Variants in CCDC149 observed in about 807,000 individuals in gnomAD.
The protein encoded by CCDC149 is coiled-coil domain-containing protein 149.
In CCDC149, 45 loss-of-function variants were observed where a neutral mutation model predicts 59.9. The observed-to-expected ratio is 0.75, with a 90% confidence interval of 0.59 to 0.96. The LOEUF (loss-of-function observed/expected upper bound fraction) is 0.96. CCDC149 is among the 40% of genes least tolerant of loss of function. CCDC149 has a pLI of 0.00. For missense variants in CCDC149, 584 were observed against 664.7 expected (o/e 0.88, Z 1.33); for synonymous variants, 245 against 260.6 (o/e 0.94, Z 0.58).
chr4:24,909,974 A>T (rs1379417430), intron 1 of CCDC149, among the ~76,000 whole-genome samples: 1 of 152,234 alleles, frequency 6.6e-6, no homozygotes, highest in African/African-American at 2.4e-5. Flanking sequence ...AAGCAGCATG[A>T]AAACGGACTA....
chr4:24,820,210 T>C (rs1457840506), intron 11 of CCDC149: 5 of 451,480 alleles, frequency 1.1e-5, no homozygotes, highest in East Asian at 3.8e-5. Context: ...TATTGAATTA[T>C]AGGCCATTTT....
chr4:24,887,897 A>G (rs1008690303), intron 1 of CCDC149, among the ~76,000 whole-genome samples: 1 of 151,744 alleles, frequency 6.6e-6, no homozygotes, highest in Non-Finnish European at 1.5e-5. Context: ...CTTCATCATC[A>G]GCTCTTCTAC....
intron 1 of CCDC149, among the ~76,000 whole-genome samples, chr4:24,957,430 C>T (rs1273072847): frequency 6.6e-6 from 1 of 152,200 alleles, no homozygotes; most frequent in African/African-American, 2.4e-5. Context: ...ACTCAGCCTA[C>T]TGATTTATTG....
chr4:24,873,593 G>C (rs1719194032), intron 3 of CCDC149, 88 bp downstream of exon 3: 1 of 886,954 alleles, frequency 1.1e-6, no homozygotes, highest in Admixed American at 2.0e-5. Context: ...GGAAATTAAA[G>C]GAAGTTCTCT....
At chr4:24,869,673 G>A (rs1461890409) in intron 3 of CCDC149, among the ~76,000 whole-genome samples, 1 of 152,082 alleles carries the variant, frequency 6.6e-6, no homozygotes, top group Non-Finnish European at 1.5e-5. Context: ...CACATTGATG[G>A]ATGCTCACCT....
At chr4:24,906,941 C>A (rs773036366) in intron 1 of CCDC149, among the ~76,000 whole-genome samples, 17 of 152,292 alleles carry the variant, frequency 1.1e-4, no homozygotes, top group Middle Eastern at 3.4e-3. Context: ...TAGACAAAAA[C>A]AGCCCACCCC....
intron 12 of CCDC149, among the ~76,000 whole-genome samples, chr4:24,813,168 TC>T (rs1399966483): frequency 6.6e-6 from 1 of 151,998 alleles, no homozygotes; most frequent in Non-Finnish European, 1.5e-5. Context: ...ACCCCCTCTT[TC>T]TCTGCCATTT....
chr4:24,944,646 C>T (rs182185768), intron 1 of CCDC149, among the ~76,000 whole-genome samples: 36 of 151,772 alleles, frequency 2.4e-4, no homozygotes, highest in African/African-American at 8.5e-4. Flanking sequence ...CTAATGCATG[C>T]AGAGCTAAAA....
intron 12 of CCDC149, among the ~76,000 whole-genome samples, chr4:24,814,666 C>A (rs906571890): frequency 6.6e-6 from 1 of 152,168 alleles, no homozygotes; most frequent in Non-Finnish European, 1.5e-5. Flanking sequence ...GCACTGCAGG[C>A]TTGAAGCACA....
At chr4:24,885,723 G>C (rs1234321137) in intron 1 of CCDC149, among the ~76,000 whole-genome samples, 1 of 152,194 alleles carries the variant, frequency 6.6e-6, no homozygotes, top group Non-Finnish European at 1.5e-5. Context: ...TTGCTCTTCA[G>C]TCAAGACAAA....
chr4:24,950,028 G>A (rs11729842), intron 1 of CCDC149, among the ~76,000 whole-genome samples: 85,039 of 152,110 alleles, frequency 0.56, 26,523 homozygotes, highest in Non-Finnish European at 0.7. Context: ...GCACATGGCT[G>A]AAACCATCTG....
Position 24,948,504 on chromosome 4 carries a change from T to G in CCDC149, c.-65+31565A>C, listed in dbSNP as rs1219408021. ...TGCTCCACAATGCTGAGGACTGCAT[T>G]ATTAAACTCCCTTGCCGGCCAGCTT... On this transcript the variant is annotated intron_variant, in intron 1 of 12. Coordinates refer to the CCDC149 transcript ENST00000389609. Among the ~76,000 whole-genome samples, 5 of 152,188 alleles carry G rather than the reference T, an allele frequency of 3.3e-5. No homozygotes were observed. The East Asian group carries it at 9.6e-4, about 29-fold the overall frequency.
intron 9 of CCDC149, chr4:24,829,997 C>T (rs1270236401): frequency 1.3e-5 from 2 of 152,900 alleles, no homozygotes; most frequent in African/African-American, 2.4e-5. Flanking sequence ...GAGGGTGAGA[C>T]AGGAGGTCCC....
At chr4:24,883,634 C>T (rs949279592) in intron 1 of CCDC149, among the ~76,000 whole-genome samples, 8 of 152,112 alleles carry the variant, frequency 5.3e-5, no homozygotes, top group Admixed American at 1.3e-4. Flanking sequence ...CTCTGCCCAC[C>T]GCCTGCTGCC....
chr4:24,886,537 G>A (rs907925381), intron 1 of CCDC149, among the ~76,000 whole-genome samples: 6 of 152,200 alleles, frequency 3.9e-5, no homozygotes, highest in Admixed American at 3.3e-4. Flanking sequence ...GTGCTATTGA[G>A]AAAAAGAAAT....
intron 1 of CCDC149, among the ~76,000 whole-genome samples, chr4:24,976,419 A>AGTGT (rs1322233689): frequency 1.3e-5 from 2 of 152,168 alleles, no homozygotes; most frequent in African/African-American, 4.8e-5. Flanking sequence ...ATTTATCCAA[A>AGTGT]GTGTGTCATC....
upstream of CCDC149, among the ~76,000 whole-genome samples, chr4:24,915,052 G>A (rs1722085773): frequency 6.6e-6 from 1 of 152,222 alleles, no homozygotes; most frequent in Non-Finnish European, 1.5e-5. Context: ...AAAAGGTGGG[G>A]CTAGAATGCA....
intron 1 of CCDC149, among the ~76,000 whole-genome samples, chr4:24,938,637 TTTCC>T (rs1383736143): frequency 6.6e-6 from 1 of 152,218 alleles, no homozygotes; most frequent in African/African-American, 2.4e-5. Flanking sequence ...GGGAATTCCC[TTTCC>T]TAGTCAAAGA....
At chr4:24,930,531 G>A (rs1722558458) in intron 1 of CCDC149, among the ~76,000 whole-genome samples, 1 of 152,122 alleles carries the variant, frequency 6.6e-6, no homozygotes, top group African/African-American at 2.4e-5. Flanking sequence ...GTTTTCTTAG[G>A]CAAATGATTT....
Sources: allele counts gnomAD v4.1 joint callset (sites outside exome capture counted in the v4.1 genomes callset), GRCh38; gene constraint gnomAD v4.1.1; transcripts MANE v1.5; gene names NCBI Gene and HGNC (gene_info 2026-07-23, HGNC 2026-07-21).